TNIP2: variants seen among roughly 807,000 people sequenced by gnomAD.
TNIP2 encodes the protein TNFAIP3-interacting protein 2.
In TNIP2, 30 loss-of-function variants were observed where a neutral mutation model predicts 43.7. That is an observed-to-expected ratio of 0.69 (90% CI 0.51 to 0.93). The LOEUF is 0.93. TNIP2 is among the 40% of genes least tolerant of loss of function. The probability of loss-of-function intolerance (pLI) is 0.00; values close to 1 mark genes in which losing one functional copy is unlikely to be tolerated. For missense variants in TNIP2, 599 were observed against 591.0 expected (o/e 1.01, Z -0.14); for synonymous variants, 260 against 254.6 (o/e 1.02, Z -0.20).
Position 2,745,471 on chromosome 4 carries a change from C to A in TNIP2, c.632G>T (p.Arg211Leu). 1 of 1,613,772 alleles carries A rather than the reference C, an allele frequency of 6.2e-7. No homozygotes were observed. The highest frequency in any genetic ancestry group is 8.5e-7 in the Non-Finnish European group (1 of 1,179,788). ...GTGAGTCACCTTCTGTTTTAACAGT[C>A]GATTTTCTTCCTGCAACTTCTCAAT... ...SVIEKLQEEN[R>L]LLKQKVTHVE... Residue 211 changes from arginine (R) to leucine (L), a missense_variant, in exon 3 of 6, where the codon CGA (arginine) becomes CTA (leucine). Coordinates refer to ENST00000315423, the MANE Select transcript of TNIP2 (RefSeq NM_024309.4).
At position 2,742,151 on chromosome 4, in the gene TNIP2, C is replaced by T; in HGVS notation, c.*106G>A. ...AGTGCCCCGCAACTATTCTAGGGGCCTTGGCTCTCAGTAGAGCTCAACCCA... is the reference window on the plus strand; with the variant it reads ...AGTGCCCCGCAACTATTCTAGGGGCTTTGGCTCTCAGTAGAGCTCAACCCA... On this transcript the variant is annotated 3_prime_UTR_variant, in exon 6 of 6. Transcript: ENST00000315423. 2.6e-6 allele frequency: 3 copies of T among 1,169,638 alleles called. No individual in the cohort carries two copies. The highest frequency in any genetic ancestry group is 3.4e-6 in the Non-Finnish European group (3 of 892,406). 72.5% of individuals were successfully genotyped at this position (1,169,638 alleles called of 1,614,324 possible).
intron 5 of TNIP2, among the ~76,000 whole-genome samples, chr4:2,742,917 C>T (rs1456715556): frequency 1.3e-5 from 2 of 152,198 alleles, no homozygotes; most frequent in African/African-American, 4.8e-5. Context: ...CTACTCTGCA[C>T]CTCCTCTGTG....
At chr4:2,749,385 G>A (rs189986282) in intron 1 of TNIP2, among the ~76,000 whole-genome samples, 13 of 152,328 alleles carry the variant, frequency 8.5e-5, no homozygotes, top group East Asian at 1.9e-4. Flanking sequence ...CCCATTCCCC[G>A]GTATCTGGGA....
chr4:2,754,506 G>A (rs1279525148), intron 1 of TNIP2, among the ~76,000 whole-genome samples: 1 of 151,852 alleles, frequency 6.6e-6, no homozygotes, highest in East Asian at 1.9e-4. Flanking sequence ...AAGCTCCGCC[G>A]CCCGGGTTCA....
chr4:2,753,587 A>G (rs747393071), intron 1 of TNIP2, among the ~76,000 whole-genome samples: 6 of 152,246 alleles, frequency 3.9e-5, no homozygotes, highest in Non-Finnish European at 7.3e-5. Context: ...GTGAGTGGCC[A>G]GATACACAGG....
At chr4:2,753,899 T>C (rs1722161916) in intron 1 of TNIP2, among the ~76,000 whole-genome samples, 1 of 152,282 alleles carries the variant, frequency 6.6e-6, no homozygotes, top group South Asian at 2.1e-4. Context: ...TTAAATGATG[T>C]AGATACTGAC....
At position 2,756,050 on chromosome 4, in the gene TNIP2, C is replaced by T. The variant is rs1157948650; in HGVS notation, c.240G>A (p.Arg80=). ...QVARFREQLR[R]QEGGAAEAQM... ...GGGCCTCGGCGGCGCCGCCCTCCTG[C>T]CTTCGCAGCTGCTCCCGGAAGCGCG... The change falls in exon 1 of 6, where the codon AGG becomes AGA. Residue 80 remains arginine (R), a synonymous_variant. Coordinates refer to ENST00000315423, the MANE Select transcript of TNIP2 (RefSeq NM_024309.4). 1 of 1,547,744 alleles carries T rather than the reference C, an allele frequency of 6.5e-7. No individual in the cohort carries two copies.
At chr4:2,747,983 AAAG>A (rs1721999064) in intron 1 of TNIP2, 38 bp from the exon 2 acceptor site, 1 of 1,594,710 alleles carries the variant, frequency 6.3e-7, no homozygotes, top group Non-Finnish European at 8.5e-7. Context: ...TACTGAATTA[AAAG>A]AAGCAGTGTC....
At chr4:2,747,588 G>C in intron 2 of TNIP2, 67 bp downstream of exon 2, 1 of 1,520,210 alleles carries the variant, frequency 6.6e-7, no homozygotes, top group Non-Finnish European at 8.9e-7. Context: ...TCTGTGATCA[G>C]GGGCCTGTAG....
intron 2 of TNIP2, 74 bp downstream of exon 2, chr4:2,747,581 G>C: frequency 6.6e-7 from 1 of 1,507,482 alleles, no homozygotes; most frequent in East Asian, 2.3e-5. Flanking sequence ...CCCCACCTCT[G>C]TGATCAGGGG....
At position 2,747,951 on chromosome 4, in the gene TNIP2, T is replaced by C; in HGVS notation, c.277-6A>G. ...TCAGTCAGCCTCTCAATTTCCTAAGTGGAAGATTTAAAAGCACAGTTTACT... is the reference window on the plus strand; with the variant it reads ...TCAGTCAGCCTCTCAATTTCCTAAGCGGAAGATTTAAAAGCACAGTTTACT... On this transcript the variant is annotated splice_polypyrimidine_tract_variant and splice_region_variant and intron_variant, in intron 1 of 5. Coordinates refer to ENST00000315423, the MANE Select transcript of TNIP2 (RefSeq NM_024309.4). 1 of 1,608,758 alleles carries C rather than the reference T, an allele frequency of 6.2e-7. No individual in the cohort carries two copies. The highest frequency in any genetic ancestry group is 8.5e-7 in the Non-Finnish European group (1 of 1,178,468).
chr4:2,744,610 C>G lies in TNIP2; in HGVS notation c.906+87G>C. ...CCACTGCCCACTCAGTGCCACCAAG[C>G]CTTCAGCCCAGCCTGTCCCATGATT... On this transcript the variant is annotated intron_variant, in intron 4 of 5. Coordinates refer to ENST00000315423, the MANE Select transcript of TNIP2 (RefSeq NM_024309.4). The surrounding 1 kb of genome is among the most constrained non-coding windows in gnomAD (Gnocchi z 5.1). 1 of 1,593,434 alleles carries G rather than the reference C, an allele frequency of 6.3e-7. No individual in the cohort carries two copies. Among genetic ancestry groups the G allele is most frequent in the Non-Finnish European group, 8.5e-7 (1 of 1,172,016 alleles).
chr4:2,751,203 TC>T (rs1446207705), intron 1 of TNIP2, among the ~76,000 whole-genome samples: 2 of 152,190 alleles, frequency 1.3e-5, no homozygotes, highest in Non-Finnish European at 2.9e-5. Flanking sequence ...TAGTAACAGT[TC>T]TTAGGACACA....
chr4:2,749,351 A>G (rs1464895118), intron 1 of TNIP2, among the ~76,000 whole-genome samples: 1 of 152,250 alleles, frequency 6.6e-6, no homozygotes, highest in Non-Finnish European at 1.5e-5. Context: ...GGGTAACCCC[A>G]AAAAGATGTC....
intron 1 of TNIP2, 116 bp from the exon 2 acceptor site, chr4:2,748,061 TACTC>T (rs1416245555): frequency 1.0e-5 from 11 of 1,098,538 alleles, no homozygotes; most frequent in African/African-American, 4.7e-5. Flanking sequence ...GACACAAACA[TACTC>T]ACTCAGAAGT....
chr4:2,744,932 T>C lies in TNIP2; in HGVS notation c.671A>G (p.Asn224Ser). The C allele has an allele frequency of 6.2e-7, 1 of 1,606,458 alleles. No homozygotes were observed. The highest frequency in any genetic ancestry group is 8.5e-7 in the Non-Finnish European group (1 of 1,174,050). Residue 224 changes from asparagine (N) to serine (S), a missense_variant, in exon 4 of 6, where the codon AAT (asparagine) becomes AGT (serine). By Grantham distance (46) the Asn-to-Ser change is conservative (BLOSUM62 1). Transcript: ENST00000315423. This position sits in a 1 kb window ranked among gnomAD's most constrained non-coding sequence, Gnocchi z 5.1. ...KQKVTHVEDLNAKWQRYNASR... is the reference protein window; with the variant it reads ...KQKVTHVEDLSAKWQRYNASR... ...GGCGTTGTAGCGCTGCCACTTGGCA[T>C]TGAGGTCTTCAACCTGAAGAGGTGG... is the stretch of plus-strand genomic sequence containing the variant.
chr4:2,745,395 A>C (rs950916192), intron 3 of TNIP2, 51 bp downstream of exon 3: 1 of 1,381,146 alleles, frequency 7.2e-7, no homozygotes, highest in Admixed American at 1.8e-5. Context: ...ACCCTCACTT[A>C]CAGTTTGTAA....
chr4:2,750,840 T>C (rs960366445), intron 1 of TNIP2, among the ~76,000 whole-genome samples: 13 of 151,996 alleles, frequency 8.6e-5, no homozygotes, highest in African/African-American at 3.1e-4. Context: ...ATGCTGACAG[T>C]AGGAGAAACA....
intron 5 of TNIP2, among the ~76,000 whole-genome samples, chr4:2,743,352 T>C (rs1721847178): frequency 6.6e-6 from 1 of 152,018 alleles, no homozygotes; most frequent in Non-Finnish European, 1.5e-5. Flanking sequence ...GTTCATCTGG[T>C]CCAAAATCTT....
Sources: allele counts gnomAD v4.1 joint callset (sites outside exome capture counted in the v4.1 genomes callset), GRCh38; gene constraint gnomAD v4.1.1; non-coding constraint Gnocchi (gnomAD v3.1); transcripts MANE v1.5; gene names NCBI Gene and HGNC (gene_info 2026-07-23, HGNC 2026-07-21).